The following CNBD1 variants were observed in gnomAD, a reference collection of about 807,000 sequenced individuals.
CNBD1 encodes cyclic nucleotide-binding domain-containing protein 1.
CNBD1 carries 71 observed loss-of-function variants against 54.4 expected under a neutral mutation model. That is an observed-to-expected ratio of 1.30 (90% confidence interval 1.08 to 1.59). The LOEUF (loss-of-function observed/expected upper bound fraction) is 1.59. CNBD1 is among the 40% of genes most tolerant of loss of function. The probability of loss-of-function intolerance (pLI) is 0.00; values close to 1 mark genes in which losing one functional copy is unlikely to be tolerated. For synonymous variants in CNBD1, 182 were observed against 170.7 expected (o/e 1.07, Z -0.51); for missense variants, 659 against 518.0 (o/e 1.27, Z -2.64).
chr8:87,385,612 T>G (rs187843079), downstream of CNBD1, among the ~76,000 whole-genome samples: 1 of 151,810 alleles, frequency 6.6e-6, no homozygotes, highest in Admixed American at 6.6e-5. Flanking sequence ...GTAAACAAAG[T>G]GGCTGGGAAG....
intron 4 of CNBD1, among the ~76,000 whole-genome samples, chr8:87,070,075 G>A (rs976182663): frequency 6.6e-6 from 1 of 152,024 alleles, no homozygotes; most frequent in African/African-American, 2.4e-5. Flanking sequence ...ATACTCAAAG[G>A]TTTAATAAAT....
intron 2 of CNBD1, among the ~76,000 whole-genome samples, chr8:87,420,206 C>T (rs1807908104): frequency 6.6e-6 from 1 of 151,806 alleles, no homozygotes; most frequent in Non-Finnish European, 1.5e-5. Context: ...TTATTTCTAT[C>T]ACTATCACTG....
chr8:87,290,202 A>T (rs557931929), intron 8 of CNBD1, among the ~76,000 whole-genome samples: 1 of 152,158 alleles, frequency 6.6e-6, no homozygotes, highest in Non-Finnish European at 1.5e-5. Context: ...TTACAAATTT[A>T]ACAATACATT....
At chr8:87,116,195 C>CTTTTTTTTTT (rs71556428) in intron 4 of CNBD1, among the ~76,000 whole-genome samples, 5 of 74,528 alleles carry the variant, frequency 6.7e-5, no homozygotes, top group African/African-American at 1.1e-4. Flanking sequence ...ATTCTCATGT[C>CTTTTTTTTTT]TTTTTTTTTT....
intron 4 of CNBD1, among the ~76,000 whole-genome samples, chr8:87,050,071 A>G (rs949487386): frequency 6.6e-6 from 1 of 152,198 alleles, no homozygotes; most frequent in Non-Finnish European, 1.5e-5. Flanking sequence ...AGCTAGTTAA[A>G]GGATTTTTGG....
intron 2 of CNBD1, among the ~76,000 whole-genome samples, chr8:87,420,964 T>C (rs1331403378): frequency 2.0e-5 from 3 of 152,064 alleles, no homozygotes; most frequent in Non-Finnish European, 2.9e-5. Flanking sequence ...ATGACTGTTA[T>C]AGAGACCTAG....
chr8:86,866,569 T>C lies in CNBD1; in HGVS notation c.74T>C (p.Leu25Pro), dbSNP rs746174142. 1.9e-6 allele frequency: 3 copies of C among 1,608,486 alleles called. No individual in the cohort carries two copies. Among genetic ancestry groups the C allele is most frequent in the Admixed American group, 3.4e-5 (2 of 59,578 alleles). ...TAINNVPPPP[L>P]HSIPNLKKSK... Reference sequence around the variant, plus strand: ...ATTAACAATGTGCCTCCTCCTCCACTTCACAGTATACCAAGTGAGTGGGAA... The same window carrying C: ...ATTAACAATGTGCCTCCTCCTCCACCTCACAGTATACCAAGTGAGTGGGAA... The change falls in exon 1 of 11, where the codon CTT (leucine) becomes CCT (proline). Residue 25 changes from leucine (L) to proline (P), a missense_variant. Leu to Pro is a moderately conservative substitution (Grantham distance 98, BLOSUM62 -3). Transcript: ENST00000518476.
chr8:87,389,420 A>T (rs1289735287), intron 2 of CNBD1, among the ~76,000 whole-genome samples: 1 of 152,242 alleles, frequency 6.6e-6, no homozygotes, highest in African/African-American at 2.4e-5. Context: ...ATATAAAATC[A>T]ATGTGCAAAA....
intron 4 of CNBD1, among the ~76,000 whole-genome samples, chr8:87,096,075 A>T (rs541300745): frequency 1.3e-5 from 2 of 152,222 alleles, no homozygotes; most frequent in Admixed American, 1.3e-4. Flanking sequence ...TCATCCTTAC[A>T]CTCTGAGGCA....
chr8:87,220,948 G>A (rs1286496930), intron 5 of CNBD1, among the ~76,000 whole-genome samples: 3 of 151,966 alleles, frequency 2.0e-5, no homozygotes, highest in African/African-American at 7.2e-5. Flanking sequence ...TAAATTTTAA[G>A]GCTTTGGTAA....
intron 4 of CNBD1, among the ~76,000 whole-genome samples, chr8:87,160,269 T>C (rs1812828373): frequency 6.6e-6 from 1 of 152,034 alleles, no homozygotes; most frequent in Admixed American, 6.6e-5. Context: ...AAATATGTTA[T>C]AAAATATGTT....
At chr8:87,274,239 A>C (rs1441673089) in intron 6 of CNBD1, among the ~76,000 whole-genome samples, 2 of 150,626 alleles carry the variant, frequency 1.3e-5, no homozygotes, top group South Asian at 2.1e-4. Flanking sequence ...ATACGTGTGC[A>C]TGTGTCTTTA....
intron 3 of CNBD1, among the ~76,000 whole-genome samples, chr8:86,914,585 C>T (rs1223477394): frequency 1.3e-5 from 2 of 152,152 alleles, no homozygotes; most frequent in African/African-American, 4.8e-5. Flanking sequence ...TCAGATTACT[C>T]AATTAATCAA....
At chr8:87,363,783 T>C (rs887089181) in intron 10 of CNBD1, among the ~76,000 whole-genome samples, 1 of 151,704 alleles carries the variant, frequency 6.6e-6, no homozygotes, top group Non-Finnish European at 1.5e-5. Flanking sequence ...GATTGCAAAA[T>C]TTTTCTCCCA....
intron 3 of CNBD1, among the ~76,000 whole-genome samples, chr8:86,914,132 C>A (rs927432073): frequency 9.9e-5 from 15 of 152,156 alleles, no homozygotes; most frequent in African/African-American, 3.6e-4. Context: ...ACATGCTTTA[C>A]AATTTGTTCA....
intron 2 of CNBD1, among the ~76,000 whole-genome samples, chr8:87,417,024 A>C (rs1441473279): frequency 6.6e-6 from 1 of 152,052 alleles, no homozygotes; most frequent in East Asian, 1.9e-4. Flanking sequence ...AATCATTGTA[A>C]TACACTATGT....
At chr8:87,322,494 T>C (rs1809558506) in intron 8 of CNBD1, among the ~76,000 whole-genome samples, 1 of 122,268 alleles carries the variant, frequency 8.2e-6, no homozygotes, top group South Asian at 2.4e-4. Context: ...ATGATTGCCA[T>C]TCTAACTGGT....
intron 4 of CNBD1, among the ~76,000 whole-genome samples, chr8:87,205,488 CAT>C (rs1813953613): frequency 6.6e-6 from 1 of 152,066 alleles, no homozygotes. Context: ...ATATGATAAT[CAT>C]GTTTCATTTA....
intron 1 of CNBD1, among the ~76,000 whole-genome samples, chr8:86,867,574 TAAAC>T (rs143731123): frequency 0.013 from 2,028 of 152,262 alleles, 40 homozygotes; most frequent in African/African-American, 0.047. Context: ...ATCCTTATGT[TAAAC>T]AAAATTAATT....
Sources: gnomAD v4.1 joint callset for allele counts (sites outside exome capture counted in the v4.1 genomes callset) on GRCh38, gnomAD v4.1.1 for gene constraint, MANE v1.5 for transcripts, NCBI Gene and HGNC (gene_info 2026-07-23, HGNC 2026-07-21) for gene names.